The following SVIL variants were observed in gnomAD, a reference collection of about 807,000 sequenced individuals.
SVIL encodes the protein supervillin.
A neutral mutation model predicts 240.4 loss-of-function variants in SVIL; 101 were observed. The ratio of observed to expected loss-of-function variants is 0.42; its 90% CI spans 0.36 to 0.50. The LOEUF (loss-of-function observed/expected upper bound fraction) is 0.50, where lower values mean the gene tolerates loss of function less well. Among genes scored for constraint, SVIL ranks in the 20% least tolerant of loss-of-function variants. SVIL has a pLI of 0.01. For missense variants in SVIL, 2,512 were observed against 2,818.7 expected (o/e 0.89, Z 2.46); for synonymous variants, 999 against 1,100.0 (o/e 0.91, Z 1.82).
intron 2 of SVIL, among the ~76,000 whole-genome samples, chr10:29,566,816 G>A (rs1302843013): frequency 3.3e-5 from 5 of 152,024 alleles, no homozygotes; most frequent in East Asian, 1.9e-4. Context: ...TGGAGCTCTC[G>A]GATGCTGGAT....
rs1247074950 is a variant in SVIL, at chr10:29,523,460, A to C, written c.3154T>G (p.Ser1052Ala). 6 of 1,599,266 alleles carry C rather than the reference A, an allele frequency of 3.8e-6. No homozygotes were observed. The highest frequency in any genetic ancestry group is 5.1e-6 in the Non-Finnish European group (6 of 1,172,818). Residue 1052 changes from serine to alanine, a missense_variant, in exon 15 of 38, where the codon TCA becomes GCA. Around this residue, in one of 3 missense-constraint regions of SVIL, gnomAD observed 1,443 missense variants for 1,486.6 expected, o/e 0.97. Transcript: ENST00000355867. The stretch of plus-strand genomic sequence containing the variant: ...GGCACTGGTCACTTACCTCTTAGTG[A>C]AAACTTCCTTTTCATAACATTCTCC... ...EVENVMKRKFSLRAAEFGEPT... is the reference protein window; with the variant it reads ...EVENVMKRKFALRAAEFGEPT...
intron 6 of SVIL, among the ~76,000 whole-genome samples, chr10:29,545,281 T>G (rs1952553402): frequency 6.6e-6 from 1 of 152,066 alleles, no homozygotes; most frequent in African/African-American, 2.4e-5. Context: ...CCGTGTCAAG[T>G]TGTTACAGAA....
In SVIL at chr10:29,735,627, C is replaced by T. The variant is rs72631861; in HGVS notation, c.-400+124G>A. On this transcript the variant is annotated intron_variant, in intron 1 of 35. Transcript: ENST00000375400. This position sits in a 1 kb window ranked among gnomAD's most constrained non-coding sequence, Gnocchi z 4.1. Reference sequence around the variant, plus strand: ...CCGCTTCGGTCCCCGGCAGGGCCTCCCGCAGCCAGAGCGAGACTGACCCGC... The same window carrying T: ...CCGCTTCGGTCCCCGGCAGGGCCTCTCGCAGCCAGAGCGAGACTGACCCGC... 26,278 of 151,496 alleles carry T rather than the reference C, an allele frequency of 0.17. 2,924 individuals carry two copies. The highest frequency in any genetic ancestry group is 0.27 in the East Asian group (1,368 of 5,062). The allele number at this position is 151,496 out of a possible 1,614,324, so 9.4% of individuals were successfully genotyped here. A position where few individuals can be genotyped will look rare whatever the true frequency, so the allele number is the denominator to read the frequency against.
intron 27 of SVIL, among the ~76,000 whole-genome samples, chr10:29,482,423 G>A (rs1318747945): frequency 6.6e-6 from 1 of 152,112 alleles, no homozygotes; most frequent in African/African-American, 2.4e-5. Context: ...TACTTTAGCC[G>A]CCCAGTCACC....
rs1254031748 is a variant in SVIL at position 29,487,380 on chromosome 10, C to T, written c.4349-81G>A. 56 of 1,465,452 alleles carry T rather than the reference C, an allele frequency of 3.8e-5. No individual in the cohort carries two copies. In the East Asian group the frequency reaches 4.5e-4, roughly 12 times the overall value. 90.8% of individuals were successfully genotyped at this position (1,465,452 alleles called of 1,614,324 possible). On this transcript the variant is annotated intron_variant, in intron 23 of 37. Transcript: ENST00000355867. ...CCCCATATCGGAAGCATCCCTGCTG[C>T]GGACGCTTTCACTTCTAAAGAGTCT...
chr10:29,622,469 T>C (rs1957699104), intron 1 of SVIL, among the ~76,000 whole-genome samples: 1 of 151,964 alleles, frequency 6.6e-6, no homozygotes, highest in Non-Finnish European at 1.5e-5. Context: ...ATATCCTTAG[T>C]AGCCACAGCA....
At chr10:29,515,771 T>C (rs1170155882) in intron 16 of SVIL, among the ~76,000 whole-genome samples, 1 of 152,166 alleles carries the variant, frequency 6.6e-6, no homozygotes, top group Non-Finnish European at 1.5e-5. Context: ...AAAAAGAAGC[T>C]CCCAAAAGTC....
At chr10:29,701,621 A>G (rs768641927) in intron 1 of SVIL, among the ~76,000 whole-genome samples, 10 of 152,222 alleles carry the variant, frequency 6.6e-5, no homozygotes, top group Non-Finnish European at 1.3e-4. Context: ...TAATATATCC[A>G]GTTACCATTT....
At chr10:29,734,954 T>C (rs1217803663) in intron 1 of SVIL, among the ~76,000 whole-genome samples, 1 of 152,140 alleles carries the variant, frequency 6.6e-6, no homozygotes, top group Non-Finnish European at 1.5e-5. Context: ...CTCATTGCAA[T>C]AAACTGTCAG....
chr10:29,683,044 G>A (rs369944841), intron 2 of SVIL, among the ~76,000 whole-genome samples: 39 of 152,342 alleles, frequency 2.6e-4, no homozygotes, highest in African/African-American at 8.9e-4. Flanking sequence ...CTGAGAACAT[G>A]TGCTTAAGGT....
At chr10:29,614,665 A>G (rs17544235) in intron 1 of SVIL, among the ~76,000 whole-genome samples, 14,561 of 152,162 alleles carry the variant, frequency 0.096, 826 homozygotes, top group Admixed American at 0.14. Context: ...CTGTCAGAGG[A>G]TGGGGGCATA....
chr10:29,572,257 C>T (rs1955459437), intron 1 of SVIL, among the ~76,000 whole-genome samples: 1 of 152,078 alleles, frequency 6.6e-6, no homozygotes, highest in African/African-American at 2.4e-5. Flanking sequence ...TGCCATTTTT[C>T]TCTAAACTCA....
At chr10:29,605,809 A>C (rs984412095) in intron 1 of SVIL, among the ~76,000 whole-genome samples, 4 of 151,270 alleles carry the variant, frequency 2.6e-5, no homozygotes, top group Non-Finnish European at 4.4e-5. Flanking sequence ...ATTTTTATCA[A>C]TCTTTTCTTT....
intron 22 of SVIL, among the ~76,000 whole-genome samples, 190 bp from the exon 23 acceptor site, chr10:29,488,946 C>T (rs1225665242): frequency 6.6e-6 from 1 of 152,216 alleles, no homozygotes; most frequent in African/African-American, 2.4e-5. Context: ...TTAAGTACAG[C>T]ATTGAAAATA....
chr10:29,539,002 A>T (rs1197712472), intron 6 of SVIL, among the ~76,000 whole-genome samples: 1 of 151,954 alleles, frequency 6.6e-6, no homozygotes. Context: ...GTCTGTATTT[A>T]AAAAATTAAA....
In SVIL at chr10:29,551,042, C is replaced by A; in HGVS notation, c.382G>T (p.Ala128Ser). ...EKYGLTLDPEADSEYLSRYTK... is the reference protein window; with the variant it reads ...EKYGLTLDPESDSEYLSRYTK... ...TAGCGGGATAAATACTCGGAGTCGG[C>A]CTCGGGATCCAGAGTCAGCCCATAC... Residue 128 changes from alanine to serine, a missense_variant, in exon 6 of 38, where the codon GCC (alanine) becomes TCC (serine). Transcript: ENST00000355867. The A allele has an allele frequency of 6.2e-7, 1 of 1,614,088 alleles. No homozygotes were observed. Among genetic ancestry groups the A allele is most frequent in the East Asian group, 2.2e-5 (1 of 44,876 alleles).
chr10:29,686,171 G>A (rs1016363501), intron 2 of SVIL, among the ~76,000 whole-genome samples: 4 of 152,184 alleles, frequency 2.6e-5, no homozygotes, highest in African/African-American at 9.7e-5. Flanking sequence ...GACAAGCAAG[G>A]AACCTGTGAT....
rs997568743 is a variant in SVIL at position 29,551,022 on chromosome 10, G to C, written c.402C>G (p.Ser134=). 2 of 1,614,084 alleles carry C rather than the reference G, an allele frequency of 1.2e-6. No homozygotes were observed. The highest frequency in any genetic ancestry group is 1.7e-6 in the Non-Finnish European group (2 of 1,180,016). The stretch of plus-strand genomic sequence containing the variant: ...GCTCCTTCCTGGACTTGGTATAGCG[G>C]GATAAATACTCGGAGTCGGCCTCGG... ...LDPEADSEYL[S]RYTKSRKEPD... Residue 134 remains serine (S), a synonymous_variant, in exon 6 of 38, where the codon TCC becomes TCG. Transcript: ENST00000355867.
intron 2 of SVIL, among the ~76,000 whole-genome samples, chr10:29,660,251 G>A (rs1589466900): frequency 1.3e-5 from 2 of 152,234 alleles, no homozygotes; most frequent in African/African-American, 4.8e-5. Flanking sequence ...GCAGGTTACA[G>A]TGAGCTACGA....
Sources: allele counts gnomAD v4.1 joint callset (sites outside exome capture counted in the v4.1 genomes callset), GRCh38; gene constraint gnomAD v4.1.1; regional missense constraint gnomAD v4.1.1; non-coding constraint Gnocchi (gnomAD v3.1); transcripts MANE v1.5; gene names NCBI Gene and HGNC (gene_info 2026-07-23, HGNC 2026-07-21).